Variants in IGSF10 observed in about 807,000 individuals in gnomAD.
IGSF10 encodes the protein calvaria mechanical force protein 608.
Under a neutral mutation model 128.2 loss-of-function variants are expected in IGSF10, and 126 were observed. The ratio of observed to expected loss-of-function variants is 0.98; its 90% CI spans 0.85 to 1.14. The LOEUF is 1.14. Among genes scored for constraint, IGSF10 ranks in the 50% most tolerant of loss-of-function variants. IGSF10 has a pLI of 0.00. For synonymous variants in IGSF10, 1,185 were observed against 1,146.2 expected, an observed-to-expected ratio of 1.03 and a Z score of -0.68; for missense variants, 3,295 against 3,149.8, an observed-to-expected ratio of 1.05 and a Z score of -1.10.
downstream of IGSF10, chr3:151,432,744 C>G (rs750353635): frequency 6.2e-7 from 1 of 1,611,282 alleles, no homozygotes; most frequent in African/African-American, 1.3e-5. Context: ...ATTTATTTTT[C>G]TCCTTAGGCA....
In IGSF10 at chr3:151,438,613, A is replaced by AT. The variant is rs146146480; in HGVS notation, c.5964-17dup. The AT allele has an allele frequency of 8.0e-4, 1,275 of 1,593,704 alleles. 12 individuals are homozygous for AT. The African/African-American group carries it at 0.016, about 20-fold the overall frequency. On this transcript the variant is annotated splice_polypyrimidine_tract_variant and intron_variant, in intron 7 of 7. Transcript: ENST00000282466. ...GCTGCCCACTCTAAGGAGAAAAGAG[A>AT]TTCATTTGAGTGTGCAGCTGTTAGC...
At chr3:151,598,117 T>G in the IGSF10 span, among the ~76,000 whole-genome samples, 2 of 128,390 alleles carry the variant, frequency 1.6e-5, no homozygotes, top group Non-Finnish European at 3.3e-5. Context: ...GTGTGAATAC[T>G]TCAGTACTTG....
chr3:151,500,582 T>C, the IGSF10 span, among the ~76,000 whole-genome samples: 1 of 152,174 alleles, frequency 6.6e-6, no homozygotes, highest in Non-Finnish European at 1.5e-5. Context: ...TTCATTTTCT[T>C]AGACAATTCT....
the IGSF10 span, among the ~76,000 whole-genome samples, chr3:151,492,369 G>C: frequency 6.6e-6 from 1 of 152,144 alleles, no homozygotes. Flanking sequence ...ATGTTGGCGA[G>C]GATATGGAGA....
chr3:151,577,712 T>C, the IGSF10 span, among the ~76,000 whole-genome samples: 5 of 152,172 alleles, frequency 3.3e-5, no homozygotes, highest in African/African-American at 4.8e-5. Flanking sequence ...TCTTTTTTTT[T>C]CCTGACCTCT....
chr3:151,617,320 C>CTTCTTCTCCTCCT, the IGSF10 span, among the ~76,000 whole-genome samples: 133 of 83,626 alleles, frequency 1.6e-3, 10 homozygotes, highest in African/African-American at 4.5e-3. Context: ...CTTCTTCTTC[C>CTTCTTCTCCTCCT]CCTCCTCCTC....
the IGSF10 span, among the ~76,000 whole-genome samples, chr3:151,501,461 G>A: frequency 2.0e-5 from 3 of 151,920 alleles, no homozygotes; most frequent in Admixed American, 6.6e-5. Flanking sequence ...GTATGCGAAG[G>A]CATTTAAAAA....
chr3:151,586,346 C>A, the IGSF10 span, among the ~76,000 whole-genome samples: 15 of 152,234 alleles, frequency 9.9e-5, no homozygotes, highest in East Asian at 2.5e-3. Context: ...AAGAATATTT[C>A]TTTCTTTCCT....
the IGSF10 span, among the ~76,000 whole-genome samples, chr3:151,618,470 CCTGTAA>C: frequency 1.3e-5 from 2 of 152,148 alleles, no homozygotes; most frequent in African/African-American, 4.8e-5. Context: ...GTGGCTCACG[CCTGTAA>C]TCCCAACACT....
the IGSF10 span, among the ~76,000 whole-genome samples, chr3:151,496,968 A>G: frequency 6.6e-6 from 1 of 152,114 alleles, no homozygotes; most frequent in African/African-American, 2.4e-5. Context: ...TTGGCTGCAT[A>G]AATGTCTTCT....
At chr3:151,508,095 T>C in the IGSF10 span, among the ~76,000 whole-genome samples, 1 of 152,252 alleles carries the variant, frequency 6.6e-6, no homozygotes, top group East Asian at 1.9e-4. Context: ...AACTACTAGA[T>C]ACGAGAGAAG....
At chr3:151,434,569 A>AT (rs1341323171), downstream of IGSF10, 4 of 152,138 alleles carry the variant, frequency 2.6e-5, no homozygotes, top group South Asian at 2.1e-4. Flanking sequence ...TGTATATCAG[A>AT]TTTTTTCCTC....
the IGSF10 span, among the ~76,000 whole-genome samples, chr3:151,477,286 GT>G: frequency 6.6e-6 from 1 of 151,900 alleles, no homozygotes; most frequent in East Asian, 1.9e-4. Flanking sequence ...TTCAAACCCA[GT>G]TTCTCTGATA....
At chr3:151,581,347 T>G in the IGSF10 span, among the ~76,000 whole-genome samples, 4 of 152,242 alleles carry the variant, frequency 2.6e-5, no homozygotes, top group Admixed American at 2.6e-4. Context: ...TAACCTGCAG[T>G]GATCTTGATC....
the IGSF10 span, among the ~76,000 whole-genome samples, chr3:151,556,224 C>T: frequency 6.6e-6 from 1 of 152,114 alleles, no homozygotes; most frequent in African/African-American, 2.4e-5. Context: ...ATCAGATTCA[C>T]AGGAAAATTA....
At chr3:151,617,260 C>CTTCTTCTTCTTCTTCTTCT in the IGSF10 span, among the ~76,000 whole-genome samples, 5 of 55,684 alleles carry the variant, frequency 9.0e-5, no homozygotes, top group African/African-American at 1.6e-4. Flanking sequence ...TCTTCTCCTT[C>CTTCTTCTTCTTCTTCTTCT]TCTTCTTCTT....
At chr3:151,583,602 G>A in the IGSF10 span, among the ~76,000 whole-genome samples, 1 of 152,306 alleles carries the variant, frequency 6.6e-6, no homozygotes, top group East Asian at 1.9e-4. Context: ...GGGAGGGATA[G>A]CATTAGGAGA....
the IGSF10 span, among the ~76,000 whole-genome samples, chr3:151,527,401 A>G: frequency 1.3e-5 from 2 of 152,304 alleles, no homozygotes; most frequent in South Asian, 2.1e-4. Flanking sequence ...TCTTGGCCCA[A>G]TACATTTCTG....
chr3:151,543,281 C>T, the IGSF10 span, among the ~76,000 whole-genome samples: 2 of 152,132 alleles, frequency 1.3e-5, no homozygotes, highest in African/African-American at 2.4e-5. Context: ...ACTCAGGGGG[C>T]CATAGGCAGG....
Sources: gnomAD v4.1 joint callset for allele counts (sites outside exome capture counted in the v4.1 genomes callset) on GRCh38, gnomAD v4.1.1 for gene constraint, MANE v1.5 for transcripts, NCBI Gene and HGNC (gene_info 2026-07-23, HGNC 2026-07-21) for gene names.